Variants in PTPRD observed in about 807,000 individuals in gnomAD.
The protein encoded by PTPRD is protein tyrosine phosphatase receptor type D.
PTPRD carries 34 observed loss-of-function variants against 214.5 expected under a neutral mutation model. The observed-to-expected ratio is 0.16, with a 90% confidence interval of 0.12 to 0.21. The LOEUF (loss-of-function observed/expected upper bound fraction) is 0.21, where lower values mean the gene tolerates loss of function less well. Ranked by LOEUF, PTPRD falls within the 10% of genes least tolerant of loss-of-function variation. The probability of loss-of-function intolerance (pLI) is 1.00; values close to 1 mark genes in which losing one functional copy is unlikely to be tolerated. For synonymous variants in PTPRD, 1,128 were observed against 845.7 expected, an observed-to-expected ratio of 1.33 and a Z score of -5.79; for missense variants, 2,545 against 2,398.7, an observed-to-expected ratio of 1.06 and a Z score of -1.27.
At chr9:9,961,503 A>G (rs915431932) in intron 4 of PTPRD, among the ~76,000 whole-genome samples, 2 of 152,194 alleles carry the variant, frequency 1.3e-5, no homozygotes, top group African/African-American at 4.8e-5. Context: ...GAGCATTAGT[A>G]AAAATTCATT....
intron 4 of PTPRD, among the ~76,000 whole-genome samples, chr9:9,963,177 A>G (rs2094473725): frequency 1.3e-5 from 2 of 152,122 alleles, no homozygotes; most frequent in South Asian, 2.1e-4. Flanking sequence ...ATAAATCCAT[A>G]ATACAATACT....
intron 9 of PTPRD, among the ~76,000 whole-genome samples, chr9:9,317,816 C>G (rs1964117419): frequency 6.6e-6 from 1 of 152,016 alleles, no homozygotes; most frequent in Admixed American, 6.6e-5. Flanking sequence ...TTTTTTCATC[C>G]TGATAGATTA....
At chr9:8,931,342 C>T (rs1041395757) in intron 11 of PTPRD, among the ~76,000 whole-genome samples, 6 of 151,876 alleles carry the variant, frequency 4.0e-5, no homozygotes, top group Non-Finnish European at 7.4e-5. Context: ...GGTACCAGTA[C>T]CATGCTGTTT....
intron 3 of PTPRD, among the ~76,000 whole-genome samples, chr9:10,208,785 T>C (rs1564537324): frequency 6.6e-6 from 1 of 152,138 alleles, no homozygotes; most frequent in Non-Finnish European, 1.5e-5. Context: ...TAAGCCACTA[T>C]CTTGAGTAAA....
intron 19 of PTPRD, among the ~76,000 whole-genome samples, chr9:8,522,213 G>A (rs2097905251): frequency 6.6e-6 from 1 of 152,190 alleles, no homozygotes; most frequent in Non-Finnish European, 1.5e-5. Context: ...ATTGGGTCAT[G>A]CAAGGCATGC....
chr9:9,814,057 C>G (rs1283507740), intron 5 of PTPRD, among the ~76,000 whole-genome samples: 2 of 152,044 alleles, frequency 1.3e-5, no homozygotes, highest in Non-Finnish European at 2.9e-5. Flanking sequence ...ATCACATGAT[C>G]TCAATAGATG....
chr9:8,707,180 G>A (rs1322154928), intron 12 of PTPRD, among the ~76,000 whole-genome samples: 3 of 152,178 alleles, frequency 2.0e-5, no homozygotes, highest in African/African-American at 7.2e-5. Context: ...AATAAAATAT[G>A]TGGGTATATT....
At chr9:9,261,205 ATAT>A (rs2099979967) in intron 9 of PTPRD, among the ~76,000 whole-genome samples, 1 of 151,888 alleles carries the variant, frequency 6.6e-6, no homozygotes, top group African/African-American at 2.4e-5. Context: ...ATGAAATATA[ATAT>A]TATTAAGCAG....
intron 2 of PTPRD, among the ~76,000 whole-genome samples, chr9:10,582,481 T>A (rs1279962999): frequency 2.6e-5 from 4 of 152,230 alleles, no homozygotes; most frequent in African/African-American, 9.6e-5. Flanking sequence ...GTTTCTACTT[T>A]ATCCATATTA....
intron 3 of PTPRD, among the ~76,000 whole-genome samples, chr9:10,085,651 C>G (rs1296227734): frequency 1.3e-5 from 2 of 151,690 alleles, no homozygotes; most frequent in African/African-American, 4.8e-5. Context: ...CCTGCCTGTG[C>G]ATGCCTCCCA....
chr9:10,252,009 G>A (rs749121536), intron 3 of PTPRD, among the ~76,000 whole-genome samples: 2 of 152,118 alleles, frequency 1.3e-5, no homozygotes, highest in Non-Finnish European at 2.9e-5. Context: ...AAAATAGTAA[G>A]TGTGTGAATT....
chr9:8,423,776 G>T (rs752556401), intron 35 of PTPRD, among the ~76,000 whole-genome samples: 68 of 152,168 alleles, frequency 4.5e-4, no homozygotes, highest in Middle Eastern at 6.8e-3. Context: ...CCCTGTGAGA[G>T]TTAAGGCTGA....
intron 9 of PTPRD, among the ~76,000 whole-genome samples, chr9:9,339,203 C>T (rs1447088097): frequency 2.0e-5 from 3 of 151,912 alleles, no homozygotes; most frequent in Non-Finnish European, 2.9e-5. Context: ...AGAGGCTAGG[C>T]GCGGTGGCTC....
chr9:10,113,840 A>T (rs1398022996), intron 3 of PTPRD, among the ~76,000 whole-genome samples: 1 of 152,194 alleles, frequency 6.6e-6, no homozygotes, highest in Non-Finnish European at 1.5e-5. Context: ...AATGCTGCTG[A>T]TACATGGGCC....
At chr9:9,741,333 GCAAT>G (rs919254555) in intron 6 of PTPRD, among the ~76,000 whole-genome samples, 18 of 145,138 alleles carry the variant, frequency 1.2e-4, no homozygotes, top group African/African-American at 4.7e-4. Flanking sequence ...AGATACACAG[GCAAT>G]CAATGAAATT....
intron 8 of PTPRD, among the ~76,000 whole-genome samples, chr9:9,441,617 A>G (rs910946291): frequency 6.6e-6 from 1 of 152,180 alleles, no homozygotes; most frequent in Non-Finnish European, 1.5e-5. Flanking sequence ...CCATGGAGAC[A>G]TATCTGCCAG....
intron 7 of PTPRD, among the ~76,000 whole-genome samples, chr9:9,635,999 T>C (rs745958818): frequency 6.6e-6 from 1 of 152,174 alleles, no homozygotes; most frequent in Non-Finnish European, 1.5e-5. Context: ...AACTCTTCAC[T>C]GATATATGTA....
intron 10 of PTPRD, among the ~76,000 whole-genome samples, chr9:9,093,819 A>C (rs2099779694): frequency 1.3e-5 from 2 of 151,848 alleles, no homozygotes; most frequent in Non-Finnish European, 2.9e-5. Flanking sequence ...AAGAAAATAA[A>C]GAGCGGACAT....
At chr9:8,901,201 A>G (rs2098666182) in intron 11 of PTPRD, among the ~76,000 whole-genome samples, 1 of 152,170 alleles carries the variant, frequency 6.6e-6, no homozygotes, top group Non-Finnish European at 1.5e-5. Context: ...CCTGCAGTGT[A>G]TACCACGACA....
Sources: gnomAD v4.1 joint callset for allele counts (sites outside exome capture counted in the v4.1 genomes callset) on GRCh38, gnomAD v4.1.1 for gene constraint, MANE v1.5 for transcripts, NCBI Gene and HGNC (gene_info 2026-07-23, HGNC 2026-07-21) for gene names.